The following DEDD2 variants were observed in gnomAD, a reference collection of about 807,000 sequenced individuals.
DEDD2 encodes the protein DNA-binding death effector domain-containing protein 2.
A neutral mutation model predicts 28.9 loss-of-function variants in DEDD2; 18 were observed. The ratio of observed to expected loss-of-function variants is 0.62; its 90% CI spans 0.43 to 0.92. DEDD2 has a LOEUF of 0.92. DEDD2 is among the 40% of genes least tolerant of loss of function. The pLI, the probability that DEDD2 is intolerant of heterozygous loss-of-function variation, is 0.00. For synonymous variants in DEDD2, 211 were observed against 206.1 expected (o/e 1.02, Z -0.20); for missense variants, 411 against 463.3 (o/e 0.89, Z 1.04).
At chr19:42,212,260 G>C (rs1037243512) in intron 3 of DEDD2, among the ~76,000 whole-genome samples, 6 of 151,898 alleles carry the variant, frequency 4.0e-5, no homozygotes, top group African/African-American at 1.5e-4. Flanking sequence ...CCGCTACTCA[G>C]GAGGCTGAGG....
rs1449470228 is a variant in DEDD2 at position 42,198,746 on chromosome 19, T to C, written c.*692A>G. ...TGTGCAACAGTAGGCCTTGGTATGA[T>C]GCTGCCATAACACTCCCATGTGACA... On this transcript the variant is annotated 3_prime_UTR_variant, in exon 5 of 5. Transcript: ENST00000596251. 1 of 152,344 alleles carries C rather than the reference T, an allele frequency of 6.6e-6. No individual in the cohort carries two copies. 9.4% of individuals were successfully genotyped at this position (152,344 alleles called of 1,614,324 possible).
chr19:42,217,936 C>T (rs1399744607), upstream of DEDD2, among the ~76,000 whole-genome samples: 1 of 151,730 alleles, frequency 6.6e-6, no homozygotes, highest in Non-Finnish European at 1.5e-5. Flanking sequence ...TCCCTACTTC[C>T]TGCCCGTGAC....
chr19:42,217,279 A>G (rs1374920026), intron 1 of DEDD2, among the ~76,000 whole-genome samples: 1 of 151,754 alleles, frequency 6.6e-6, no homozygotes, highest in Non-Finnish European at 1.5e-5. Context: ...CTACGTTCGG[A>G]GCTCGCCTCC....
chr19:42,200,834 G>A (rs1177622446), intron 4 of DEDD2, among the ~76,000 whole-genome samples: 1 of 152,206 alleles, frequency 6.6e-6, no homozygotes, highest in African/African-American at 2.4e-5. Flanking sequence ...AAAAGAGGTG[G>A]CAGCTGTGTA....
intron 3 of DEDD2, among the ~76,000 whole-genome samples, chr19:42,213,185 G>C (rs2035833939): frequency 6.6e-6 from 1 of 152,152 alleles, no homozygotes; most frequent in African/African-American, 2.4e-5. Context: ...AAGACTGACT[G>C]ACTGTAACAA....
intron 3 of DEDD2, among the ~76,000 whole-genome samples, chr19:42,210,123 C>T (rs2035696168): frequency 6.6e-6 from 1 of 152,076 alleles, no homozygotes; most frequent in African/African-American, 2.4e-5. Context: ...ACACGACAAC[C>T]GCCACCAGGG....
intron 2 of DEDD2, among the ~76,000 whole-genome samples, chr19:42,215,620 G>C (rs1189483353): frequency 6.6e-6 from 1 of 152,160 alleles, no homozygotes; most frequent in East Asian, 1.9e-4. Flanking sequence ...GTGATCTTCA[G>C]ACATAGATAT....
At position 42,199,286 on chromosome 19, in the gene DEDD2, G is replaced by C; in HGVS notation, c.*152C>G. On this transcript the variant is annotated 3_prime_UTR_variant, in exon 5 of 5. Coordinates refer to ENST00000596251, the MANE Select transcript of DEDD2 (RefSeq NM_133328.4). The surrounding 1 kb of genome is among the most constrained non-coding windows in gnomAD (Gnocchi z 7.4). Reference sequence around the variant, plus strand: ...GTTTAGGCCTCAGAGCCCACATCCTGTGGGAGGGGCTGTCAAGGGGCCTGC... The same window carrying C: ...GTTTAGGCCTCAGAGCCCACATCCTCTGGGAGGGGCTGTCAAGGGGCCTGC... The C allele has an allele frequency of 1.7e-6, 2 of 1,172,290 alleles. No individual in the cohort carries two copies. Among genetic ancestry groups the C allele is most frequent in the Non-Finnish European group, 2.3e-6 (2 of 861,520 alleles). 72.6% of individuals were successfully genotyped at this position (1,172,290 alleles called of 1,614,324 possible).
Position 42,199,570 on chromosome 19 carries a change from G to A in DEDD2, c.849C>T (p.Ala283=). Reference sequence around the variant, plus strand: ...CCTCCCGGCCCACAGCCTCTCGCAGGGCCTCAGTCAGGAACACGCCCCGCA... The same window carrying A: ...CCTCCCGGCCCACAGCCTCTCGCAGAGCCTCAGTCAGGAACACGCCCCGCA... ...QALRGVFLTE[A]LREAVGREAV... Residue 283 remains alanine (A), a synonymous_variant, in exon 5 of 5, where the codon GCC becomes GCT. Coordinates refer to ENST00000596251, the MANE Select transcript of DEDD2 (RefSeq NM_133328.4). The surrounding 1 kb of genome is among the most constrained non-coding windows in gnomAD (Gnocchi z 7.4). 6.2e-7 allele frequency: 1 copy of A among 1,614,080 alleles called. No individual in the cohort carries two copies. The highest frequency in any genetic ancestry group is 1.7e-5 in the Admixed American group (1 of 60,024).
intron 4 of DEDD2, among the ~76,000 whole-genome samples, chr19:42,202,531 A>G (rs2035373323): frequency 6.6e-6 from 1 of 152,232 alleles, no homozygotes; most frequent in South Asian, 2.1e-4. Flanking sequence ...CAGAGTGGAC[A>G]GGTCACAGGG....
upstream of DEDD2, among the ~76,000 whole-genome samples, chr19:42,219,053 C>T (rs2036079373): frequency 6.6e-6 from 1 of 152,212 alleles, no homozygotes; most frequent in African/African-American, 2.4e-5. Context: ...GCCTGCATTC[C>T]CAGCACTTTG....
rs549461581 is a variant in DEDD2 at position 42,210,501 on chromosome 19, C to A, written c.449-661G>T. Reference sequence around the variant, plus strand: ...CTCCGCCTCCCGGGTTCAAGCAATTCTCCTGCCTCAGGTTCCCAAGTAACC... The same window carrying A: ...CTCCGCCTCCCGGGTTCAAGCAATTATCCTGCCTCAGGTTCCCAAGTAACC... On this transcript the variant is annotated intron_variant, in intron 3 of 4. Coordinates refer to ENST00000596251, the MANE Select transcript of DEDD2 (RefSeq NM_133328.4). 1.4e-4 allele frequency among the ~76,000 whole-genome samples: 21 copies of A among 152,124 alleles called. No individual in the cohort carries two copies. In the South Asian group the frequency reaches 3.9e-3, roughly 29 times the overall value.
At chr19:42,209,913 G>C (rs900601775) in intron 3 of DEDD2, 73 bp from the exon 4 acceptor site, 135 of 1,453,844 alleles carry the variant, frequency 9.3e-5, no homozygotes, top group Non-Finnish European at 1.2e-4. Flanking sequence ...GCCTGGAAAA[G>C]AACTCAAGGT....
Position 42,217,138 on chromosome 19 carries a change from G to A in DEDD2, c.-38-93C>T, listed in dbSNP as rs1239204559. The A allele has an allele frequency of 1.2e-5, 12 of 973,696 alleles. No individual in the cohort carries two copies. The East Asian group carries it at 1.6e-4, about 13-fold the overall frequency. 60.3% of individuals were successfully genotyped at this position (973,696 alleles called of 1,614,324 possible). On this transcript the variant is annotated intron_variant, in intron 1 of 4. Transcript: ENST00000596251. ...CGCGTCTCCCCCGCCCAATCGCGCC[G>A]GGCAGGGCCGCTCCCGCACCCCCAA...
intron 3 of DEDD2, among the ~76,000 whole-genome samples, chr19:42,214,583 G>A (rs926810201): frequency 1.3e-5 from 2 of 150,758 alleles, no homozygotes; most frequent in Non-Finnish European, 3.0e-5. Flanking sequence ...ACAACAAGGG[G>A]GAGACCACAC....
intron 4 of DEDD2, among the ~76,000 whole-genome samples, chr19:42,203,941 G>A (rs549207487): frequency 3.3e-5 from 5 of 152,350 alleles, no homozygotes; most frequent in South Asian, 2.1e-4. Flanking sequence ...GCGCTGGACC[G>A]TGGGCTGGCT....
intron 4 of DEDD2, among the ~76,000 whole-genome samples, chr19:42,209,342 C>G (rs2035656388): frequency 2.0e-5 from 3 of 152,230 alleles, no homozygotes; most frequent in African/African-American, 4.8e-5. Context: ...GGATGTAAAT[C>G]AGGCAGCCTG....
intron 3 of DEDD2, among the ~76,000 whole-genome samples, chr19:42,211,721 G>C (rs1395858693): frequency 6.6e-6 from 1 of 152,148 alleles, no homozygotes; most frequent in African/African-American, 2.4e-5. Context: ...ATGTTATTAA[G>C]AGGAAAGACT....
intron 4 of DEDD2, among the ~76,000 whole-genome samples, chr19:42,207,667 A>G (rs775258768): frequency 1.3e-5 from 2 of 152,070 alleles, no homozygotes; most frequent in Non-Finnish European, 1.5e-5. Flanking sequence ...GACTTTCTTC[A>G]CCTGGTCCAA....
Sources: allele counts gnomAD v4.1 joint callset (sites outside exome capture counted in the v4.1 genomes callset), GRCh38; gene constraint gnomAD v4.1.1; non-coding constraint Gnocchi (gnomAD v3.1); transcripts MANE v1.5; gene names NCBI Gene and HGNC (gene_info 2026-07-23, HGNC 2026-07-21).